The following KIF17 variants were observed in gnomAD, a reference collection of about 807,000 sequenced individuals.
KIF17 encodes the protein kinesin-like protein KIF17.
A neutral mutation model predicts 96.8 loss-of-function variants in KIF17; 80 were observed. The ratio of observed to expected loss-of-function variants is 0.83; its 90% CI spans 0.69 to 1.00. KIF17 has a LOEUF of 1.00. KIF17 is among the 50% of genes least tolerant of loss of function. The probability of loss-of-function intolerance (pLI) is 0.00; values close to 1 mark genes in which losing one functional copy is unlikely to be tolerated. For missense variants in KIF17, 1,280 were observed against 1,372.9 expected (o/e 0.93, Z 1.07); for synonymous variants, 567 against 587.5 (o/e 0.97, Z 0.51).
intron 6 of KIF17, among the ~76,000 whole-genome samples, chr1:20,697,413 G>A (rs1038562371): frequency 6.6e-6 from 1 of 151,654 alleles, no homozygotes; most frequent in Admixed American, 6.6e-5. Context: ...TTCAAGACCA[G>A]CCTAGGCAAC....
At position 20,717,753 on chromosome 1, in the gene KIF17, C is replaced by G; in HGVS notation, c.-47G>C. On this transcript the variant is annotated 5_prime_UTR_variant, in exon 1 of 15. Transcript: ENST00000400463. ...GGGACCAGAGCTGACCCCCGCCCCG[C>G]CGGGGACTCCCAGCAGCCCGGGCCA... 1 of 1,503,046 alleles carries G rather than the reference C, an allele frequency of 6.7e-7. No individual in the cohort carries two copies. Among genetic ancestry groups the G allele is most frequent in the Non-Finnish European group, 8.8e-7 (1 of 1,133,402 alleles). The allele number at this position is 1,503,046 out of a possible 1,614,324, so 93.1% of individuals were successfully genotyped here.
chr1:20,686,221 G>C, intron 8 of KIF17, 95 bp from the exon 9 acceptor site: 1 of 1,024,604 alleles, frequency 9.8e-7, no homozygotes, highest in Non-Finnish European at 1.5e-6. Flanking sequence ...AACTCCCCAA[G>C]GCCTCCCACC....
chr1:20,682,592 G>A, intron 11 of KIF17, 61 bp downstream of exon 11: 8 of 1,450,316 alleles, frequency 5.5e-6, no homozygotes. Flanking sequence ...GGGATGCCTG[G>A]ATCGGGGGGT....
intron 13 of KIF17, among the ~76,000 whole-genome samples, chr1:20,667,265 G>A (rs930137486): frequency 6.6e-6 from 1 of 152,114 alleles, no homozygotes; most frequent in Non-Finnish European, 1.5e-5. Flanking sequence ...TCATAGGAGG[G>A]CAAACCCTAT....
chr1:20,664,507 G>A lies in KIF17; in HGVS notation c.*77C>T, dbSNP rs982816375. On this transcript the variant is annotated 3_prime_UTR_variant, in exon 15 of 15. Transcript: ENST00000400463. ...GAGCGCTGTGTGGCAGGTGGGAGGA[G>A]ACCTGGTTGGGGCTGCCCTGGGAGG... 1.2e-6 allele frequency: 2 copies of A among 1,611,380 alleles called. No homozygotes were observed. Among genetic ancestry groups the A allele is most frequent in the African/African-American group, 2.7e-5 (2 of 74,896 alleles).
At chr1:20,683,009 G>A (rs2053859948) in intron 10 of KIF17, 125 bp from the exon 11 acceptor site, 2 of 766,596 alleles carry the variant, frequency 2.6e-6, no homozygotes, top group Non-Finnish European at 4.3e-6. Flanking sequence ...TTCACAGGGA[G>A]GGAAACCGAG....
chr1:20,708,706 C>T (rs1483209989), intron 4 of KIF17, among the ~76,000 whole-genome samples: 1 of 152,178 alleles, frequency 6.6e-6, no homozygotes, highest in Admixed American at 6.5e-5. Context: ...CCTCTGTTTC[C>T]TCGTCTATAA....
chr1:20,712,452 T>C (rs1251350686), intron 3 of KIF17, among the ~76,000 whole-genome samples: 1 of 145,882 alleles, frequency 6.9e-6, no homozygotes, highest in East Asian at 2.0e-4. Flanking sequence ...TAGTCCCAGC[T>C]ACCGGGGGCG....
chr1:20,706,203 G>A (rs897599024), intron 4 of KIF17, among the ~76,000 whole-genome samples: 3 of 151,432 alleles, frequency 2.0e-5, no homozygotes, highest in Non-Finnish European at 4.4e-5. Context: ...ACTGTGCCCA[G>A]ACTTGTTGAT....
chr1:20,696,327 C>A (rs1410086727), intron 6 of KIF17, among the ~76,000 whole-genome samples: 3 of 151,990 alleles, frequency 2.0e-5, no homozygotes, highest in African/African-American at 4.8e-5. Context: ...AGAAAAAGAA[C>A]AAATGGCAGG....
intron 13 of KIF17, among the ~76,000 whole-genome samples, 160 bp downstream of exon 13, chr1:20,670,261 C>T (rs2053616644): frequency 6.6e-6 from 1 of 152,084 alleles, no homozygotes. Context: ...GTCTAGGTGC[C>T]AATGGAGGGG....
chr1:20,690,953 C>T (rs1404441044), intron 6 of KIF17, among the ~76,000 whole-genome samples: 1 of 151,932 alleles, frequency 6.6e-6, no homozygotes, highest in Non-Finnish European at 1.5e-5. Context: ...TCCCAAAGTG[C>T]TGGGATTACA....
intron 4 of KIF17, among the ~76,000 whole-genome samples, chr1:20,708,103 C>T (rs72650881): frequency 0.051 from 7,783 of 151,994 alleles, 249 homozygotes; most frequent in Non-Finnish European, 0.068. Flanking sequence ...CCCCTAAACC[C>T]GCTCCCTCCT....
At chr1:20,702,088 G>A (rs1247987485) in intron 5 of KIF17, among the ~76,000 whole-genome samples, 2 of 152,206 alleles carry the variant, frequency 1.3e-5, no homozygotes, top group African/African-American at 4.8e-5. Flanking sequence ...CAGGCCTCGT[G>A]CTGAGCCCAC....
At chr1:20,698,155 G>T (rs1056346727) in intron 6 of KIF17, among the ~76,000 whole-genome samples, 2 of 152,212 alleles carry the variant, frequency 1.3e-5, no homozygotes, top group African/African-American at 4.8e-5. Context: ...AGGCGGCATT[G>T]AATGCAGTCT....
intron 5 of KIF17, among the ~76,000 whole-genome samples, chr1:20,703,749 G>A (rs1051249741): frequency 6.6e-6 from 1 of 152,088 alleles, no homozygotes; most frequent in Non-Finnish European, 1.5e-5. Context: ...TGGACAGACA[G>A]ACCCAAGTAT....
rs1393234831 is a variant in KIF17 at position 20,717,765 on chromosome 1, A to T, written c.-59T>A. The stretch of plus-strand genomic sequence containing the variant: ...GACCCCCGCCCCGCCGGGGACTCCC[A>T]GCAGCCCGGGCCAAGGGGCGGGGCC... On this transcript the variant is annotated 5_prime_UTR_variant, in exon 1 of 15. Transcript: ENST00000400463. 1 of 1,483,762 alleles carries T rather than the reference A, an allele frequency of 6.7e-7. No individual in the cohort carries two copies. The highest frequency in any genetic ancestry group is 8.9e-7 in the Non-Finnish European group (1 of 1,125,002). 91.9% of individuals were successfully genotyped at this position (1,483,762 alleles called of 1,614,324 possible). A position where few individuals can be genotyped will look rare whatever the true frequency, so the allele number is the denominator to read the frequency against.
At chr1:20,712,625 A>AT (rs1557606423) in intron 3 of KIF17, among the ~76,000 whole-genome samples, 6 of 43,320 alleles carry the variant, frequency 1.4e-4, no homozygotes, top group African/African-American at 4.7e-4. Context: ...TAATATAGAT[A>AT]ATATCTATAT....
Position 20,668,269 on chromosome 1 carries a change from C to T in KIF17, c.2791-1938G>A, listed in dbSNP as rs562454880. 4.0e-4 allele frequency among the ~76,000 whole-genome samples: 60 copies of T among 150,264 alleles called. 1 individual carries two copies. The highest frequency in any genetic ancestry group is 1.1e-3 in the African/African-American group (46 of 40,818). ...AGCTTGCCGTGAGCCGAGATTGCAC[C>T]ACTGCACTCCAGCCTGGGTAACAGA... On this transcript the variant is annotated intron_variant, in intron 13 of 14. Transcript: ENST00000400463.
Sources: allele counts gnomAD v4.1 joint callset (sites outside exome capture counted in the v4.1 genomes callset), GRCh38; gene constraint gnomAD v4.1.1; transcripts MANE v1.5; gene names NCBI Gene and HGNC (gene_info 2026-07-23, HGNC 2026-07-21).